The following ESR2 variants were observed in gnomAD, a reference collection of about 807,000 sequenced individuals.
ESR2 encodes estrogen receptor 2.
Under a neutral mutation model 49.6 loss-of-function variants are expected in ESR2, and 36 were observed. That is an observed-to-expected ratio of 0.73 (90% CI 0.56 to 0.96). The LOEUF (loss-of-function observed/expected upper bound fraction) is 0.96. Ranked by LOEUF, ESR2 falls within the 40% of genes least tolerant of loss-of-function variation. The pLI, the probability that ESR2 is intolerant of heterozygous loss-of-function variation, is 0.00. For synonymous variants in ESR2, 320 were observed against 266.1 expected, an observed-to-expected ratio of 1.20 and a Z score of -1.97; for missense variants, 714 against 693.0, an observed-to-expected ratio of 1.03 and a Z score of -0.34.
chr14:64,260,754 G>A lies in ESR2; in HGVS notation c.653-6C>T, dbSNP rs77331331. On this transcript the variant is annotated splice_region_variant and splice_polypyrimidine_tract_variant and intron_variant, in intron 4 of 8. Transcript: ENST00000341099. ...ACATCTCTCTCTCCGGGAGCCTGAA[G>A]AGGAAAGCAGAGTCATTCGAATTGC... 4.1e-6 allele frequency: 6 copies of A among 1,462,474 alleles called. No homozygotes were observed. The highest frequency in any genetic ancestry group is 5.4e-6 in the Non-Finnish European group (6 of 1,106,756). 90.6% of individuals were successfully genotyped at this position (1,462,474 alleles called of 1,614,324 possible). A position where few individuals can be genotyped will look rare whatever the true frequency, so the allele number is the denominator to read the frequency against.
At chr14:64,300,844 ATC>A (rs1250360508) in intron 1 of ESR2, among the ~76,000 whole-genome samples, 4 of 152,164 alleles carry the variant, frequency 2.6e-5, no homozygotes, top group African/African-American at 7.2e-5. Flanking sequence ...TCATGCATTT[ATC>A]TCTTTGTGAC....
chr14:64,261,567 G>A (rs1045354575), intron 4 of ESR2, among the ~76,000 whole-genome samples: 5 of 151,982 alleles, frequency 3.3e-5, no homozygotes, highest in African/African-American at 4.8e-5. Flanking sequence ...ACAGGAGCCC[G>A]CCACCATGCC....
intron 6 of ESR2, among the ~76,000 whole-genome samples, chr14:64,254,500 A>C (rs2076057090): frequency 6.6e-6 from 1 of 151,824 alleles, no homozygotes; most frequent in Non-Finnish European, 1.5e-5. Flanking sequence ...TAATCCCAAC[A>C]ATTTGGGAGG....
At chr14:64,310,494 G>A (rs147095722) in intron 1 of ESR2, among the ~76,000 whole-genome samples, 2,306 of 146,386 alleles carry the variant, frequency 0.016, 64 homozygotes, top group East Asian at 0.089. Context: ...TTTTTTAGAC[G>A]GAGTTTCTCT....
chr14:64,313,584 A>G (rs573226188), intron 1 of ESR2, among the ~76,000 whole-genome samples: 1 of 151,400 alleles, frequency 6.6e-6, no homozygotes, highest in African/African-American at 2.4e-5. Context: ...AGAAAGAAAG[A>G]AAGAAAAGAA....
intron 4 of ESR2, among the ~76,000 whole-genome samples, chr14:64,266,078 C>T (rs1255506976): frequency 1.3e-5 from 2 of 152,200 alleles, no homozygotes; most frequent in African/African-American, 2.4e-5. Context: ...AAAGAGAATA[C>T]AGTCTTTTCT....
chr14:64,273,039 T>C (rs531619840), intron 3 of ESR2, among the ~76,000 whole-genome samples: 1 of 152,266 alleles, frequency 6.6e-6, no homozygotes, highest in East Asian at 1.9e-4. Flanking sequence ...CTTTCACCAG[T>C]GTTTTATAGT....
At chr14:64,304,769 G>T (rs2077068121) in intron 1 of ESR2, among the ~76,000 whole-genome samples, 1 of 151,872 alleles carries the variant, frequency 6.6e-6, no homozygotes, top group Non-Finnish European at 1.5e-5. Context: ...CTAGCTACTT[G>T]GGAGGCTGAG....
chr14:64,238,355 G>A (rs978127973), intron 7 of ESR2, among the ~76,000 whole-genome samples: 6 of 151,578 alleles, frequency 4.0e-5, no homozygotes, highest in Non-Finnish European at 3.0e-5. Context: ...ATATGGTGGG[G>A]TAGGGGGGCA....
intron 1 of ESR2, among the ~76,000 whole-genome samples, chr14:64,305,135 A>G (rs1018617582): frequency 3.3e-5 from 5 of 150,778 alleles, no homozygotes; most frequent in Non-Finnish European, 7.4e-5. Context: ...CTAAAAATAC[A>G]AAAAAATTAG....
intron 3 of ESR2, among the ~76,000 whole-genome samples, chr14:64,270,515 ATTTT>A (rs199521998): frequency 6.8e-6 from 1 of 147,016 alleles, no homozygotes; most frequent in African/African-American, 2.5e-5. Flanking sequence ...TGAAAAGGTA[ATTTT>A]TTTTTTTTTG....
upstream of ESR2, among the ~76,000 whole-genome samples, chr14:64,299,180 C>A (rs2076994548): frequency 6.6e-6 from 1 of 151,418 alleles, no homozygotes; most frequent in Non-Finnish European, 1.5e-5. Context: ...TACAGACAGA[C>A]ATGGCTTGAG....
At position 64,268,654 on chromosome 14, in the gene ESR2, C is replaced by T. The variant is rs1596422400; in HGVS notation, c.652+141G>A. 23 of 625,074 alleles carry T rather than the reference C, an allele frequency of 3.7e-5. No homozygotes were observed. In the East Asian group the frequency reaches 5.8e-4, roughly 16 times the overall value. The allele number at this position is 625,074 out of a possible 1,614,324, so 38.7% of individuals were successfully genotyped here. A position where few individuals can be genotyped will look rare whatever the true frequency, so the allele number is the denominator to read the frequency against. ...TGCAGTTACTGTGGATAAGTCAATG[C>T]CCCCTCCAATGTGACAACACGCAAA... On this transcript the variant is annotated intron_variant, in intron 4 of 8. Coordinates refer to ENST00000341099, the MANE Select transcript of ESR2 (RefSeq NM_001437.3).
intron 3 of ESR2, among the ~76,000 whole-genome samples, chr14:64,272,253 GTTT>G (rs759769775): frequency 2.0e-5 from 3 of 152,096 alleles, no homozygotes; most frequent in African/African-American, 4.8e-5. Context: ...GGATTTTTAA[GTTT>G]TTTTGTAGAG....
intron 5 of ESR2, chr14:64,260,185 C>T (rs372577109): frequency 4.2e-5 from 30 of 709,360 alleles, no homozygotes; most frequent in South Asian, 1.1e-4. Context: ...GGCTGGGCCA[C>T]GCACAACTCT....
chr14:64,276,111 CT>C (rs964875898), intron 3 of ESR2, among the ~76,000 whole-genome samples: 1 of 151,950 alleles, frequency 6.6e-6, no homozygotes, highest in Admixed American at 6.6e-5. Context: ...TATGAAAGGA[CT>C]TTTTTTAGGC....
upstream of ESR2, among the ~76,000 whole-genome samples, chr14:64,297,957 G>C (rs144276911): frequency 2.6e-4 from 40 of 152,220 alleles, no homozygotes; most frequent in African/African-American, 8.4e-4. Context: ...GAATCTGAGA[G>C]ATAAAACCCT....
At chr14:64,264,894 A>G (rs2076298209) in intron 4 of ESR2, among the ~76,000 whole-genome samples, 1 of 151,906 alleles carries the variant, frequency 6.6e-6, no homozygotes, top group Non-Finnish European at 1.5e-5. Flanking sequence ...AAAAAAGAAA[A>G]AAAAAAAAGC....
chr14:64,245,508 T>C (rs2075833199), intron 7 of ESR2, among the ~76,000 whole-genome samples: 1 of 32,910 alleles, frequency 3.0e-5, no homozygotes, highest in African/African-American at 1.4e-4. Flanking sequence ...CAAGACTCTG[T>C]CAAAAAAAAA....
Sources: allele counts gnomAD v4.1 joint callset (sites outside exome capture counted in the v4.1 genomes callset), GRCh38; gene constraint gnomAD v4.1.1; transcripts MANE v1.5; gene names NCBI Gene and HGNC (gene_info 2026-07-23, HGNC 2026-07-21).